SMOC2: variants seen among roughly 807,000 people sequenced by gnomAD.
The protein encoded by SMOC2 is SPARC related modular calcium binding 2.
SMOC2 carries 39 observed loss-of-function variants against 61.4 expected under a neutral mutation model. The observed-to-expected ratio is 0.64, with a 90% CI of 0.49 to 0.83. SMOC2 has a LOEUF of 0.83. SMOC2 is among the 40% of genes least tolerant of loss of function. The pLI, the probability that SMOC2 is intolerant of heterozygous loss-of-function variation, is 0.00. For synonymous variants in SMOC2, 247 were observed against 239.9 expected, an observed-to-expected ratio of 1.03 and a Z score of -0.27; for missense variants, 556 against 592.9, an observed-to-expected ratio of 0.94 and a Z score of 0.65.
At chr6:168,584,880 G>A (rs1281359058) in intron 7 of SMOC2, among the ~76,000 whole-genome samples, 2 of 152,150 alleles carry the variant, frequency 1.3e-5, no homozygotes, top group Admixed American at 6.5e-5. Context: ...CATCCATCCC[G>A]GGACAGCCCC....
intron 11 of SMOC2, among the ~76,000 whole-genome samples, chr6:168,658,948 GTGGTGTGTGTGTATA>G (rs1220701476): frequency 1.2e-3 from 174 of 151,274 alleles, no homozygotes; most frequent in Middle Eastern, 6.8e-3. Context: ...TGTGGTGTGT[GTGGTGTGTGTGTATA>G]TGGTGTGTGT....
chr6:168,653,207 G>A lies in SMOC2; in HGVS notation c.1264G>A (p.Ala422Thr), dbSNP rs1203700048. 8 of 1,613,498 alleles carry A rather than the reference G, an allele frequency of 5.0e-6. No individual in the cohort carries two copies. Among genetic ancestry groups the A allele is most frequent in the Non-Finnish European group, 6.8e-6 (8 of 1,179,640 alleles). ...GGGCGTGGCGAAAGAGGACGGCAAA[G>A]CGGACACCAAGAAACGCCACAGTAA... is the stretch of plus-strand genomic sequence containing the variant. ...CLGVAKEDGK[A>T]DTKKRHTPRG... Residue 422 changes from alanine (A) to threonine (T), a missense_variant, in exon 11 of 13, where the codon GCG (alanine) becomes ACG (threonine). Coordinates refer to ENST00000356284, the MANE Select transcript of SMOC2 (RefSeq NM_001166412.2).
At chr6:168,472,372 A>G (rs945220053) in intron 1 of SMOC2, among the ~76,000 whole-genome samples, 1 of 152,090 alleles carries the variant, frequency 6.6e-6, no homozygotes, top group Admixed American at 6.5e-5. Flanking sequence ...GTAAGAGCTT[A>G]TTTCTGGCAC....
intron 9 of SMOC2, among the ~76,000 whole-genome samples, chr6:168,623,255 G>A (rs1463399197): frequency 2.0e-5 from 3 of 151,968 alleles, no homozygotes; most frequent in African/African-American, 4.8e-5. Context: ...GGAGGGCTGC[G>A]GGGATTCCAG....
chr6:168,456,636 C>G (rs559456517), intron 1 of SMOC2, among the ~76,000 whole-genome samples: 1 of 152,326 alleles, frequency 6.6e-6, no homozygotes. Flanking sequence ...CAAGAATGTT[C>G]TGGCTAGTAC....
At chr6:168,462,877 T>G (rs759790523) in intron 1 of SMOC2, among the ~76,000 whole-genome samples, 2 of 152,094 alleles carry the variant, frequency 1.3e-5, no homozygotes, top group African/African-American at 2.4e-5. Context: ...AGCGGAGCCT[T>G]GGGAAGGGTG....
rs535975045 is a variant in SMOC2, at chr6:168,506,389, A to G, written c.85-3526A>G. On this transcript the variant is annotated intron_variant, in intron 1 of 12. Transcript: ENST00000356284. Reference sequence around the variant, plus strand: ...GTATTTCAGAGGCAACATTTCCTTAATGTCTTCTTATGTCACGTTATCTCA... The same window carrying G: ...GTATTTCAGAGGCAACATTTCCTTAGTGTCTTCTTATGTCACGTTATCTCA... Among the ~76,000 whole-genome samples the G allele has an allele frequency of 3.3e-5, 5 of 152,268 alleles. 1 individual carries two copies. The South Asian group carries it at 1.0e-3, about 32-fold the overall frequency.
Position 168,650,706 on chromosome 6 carries a change from G to GTT in SMOC2, c.935_936dup (p.Leu313PhefsTer2), listed in dbSNP as rs750270491. The GTT allele has an allele frequency of 1.2e-6, 2 of 1,613,842 alleles. No individual in the cohort carries two copies. Among genetic ancestry groups the GTT allele is most frequent in the Non-Finnish European group, 1.7e-6 (2 of 1,179,968 alleles). On this transcript the variant is annotated frameshift_variant, in exon 10 of 13. Coordinates refer to ENST00000356284, the MANE Select transcript of SMOC2 (RefSeq NM_001166412.2). LOFTEE classifies it high-confidence loss of function. ...GTTGTCCGGGTGCCAAAAAGCATGAGTTTCTGACCAGCGTTCTGGACGCGC... is the reference window on the plus strand; with the variant it reads ...GTTGTCCGGGTGCCAAAAAGCATGAGTTTTTCTGACCAGCGTTCTGGACGCGC...
At chr6:168,555,582 C>A (rs770060691) in intron 7 of SMOC2, among the ~76,000 whole-genome samples, 8 of 152,202 alleles carry the variant, frequency 5.3e-5, no homozygotes, top group Non-Finnish European at 8.8e-5. Context: ...TCCACGGCCG[C>A]ATGTTACAAG....
intron 1 of SMOC2, among the ~76,000 whole-genome samples, chr6:168,455,414 C>G (rs1049525091): frequency 2.0e-5 from 3 of 152,174 alleles, no homozygotes; most frequent in Non-Finnish European, 4.4e-5. Context: ...GACGCTGGCT[C>G]GGCAGCCACC....
At position 168,490,192 on chromosome 6, in the gene SMOC2, G is replaced by C. The variant is rs546903836; in HGVS notation, c.85-19723G>C. ...TAGAGTGAAATATATCAAATTGTCT[G>C]GGTCCCCTTGGATCACAGTTTTAGA... On this transcript the variant is annotated intron_variant, in intron 1 of 12. Transcript: ENST00000356284. Among the ~76,000 whole-genome samples, 85 of 151,474 alleles carry C rather than the reference G, an allele frequency of 5.6e-4. 2 individuals are homozygous for C. The South Asian group carries it at 0.018, about 31-fold the overall frequency.
chr6:168,489,328 G>A (rs1244291179), intron 1 of SMOC2, among the ~76,000 whole-genome samples: 2 of 149,278 alleles, frequency 1.3e-5, no homozygotes, highest in East Asian at 4.0e-4. Flanking sequence ...GGGTCCCCTT[G>A]GATCACACTG....
In SMOC2 at chr6:168,543,679, A is replaced by T. The variant is rs755443720; in HGVS notation, c.511+7A>T. The T allele has an allele frequency of 5.0e-6, 8 of 1,612,210 alleles. No individual in the cohort carries two copies. The East Asian group carries it at 1.8e-4, about 36-fold the overall frequency. On this transcript the variant is annotated splice_region_variant and intron_variant, in intron 5 of 12. Transcript: ENST00000356284. ...GAAGGCACAGGAAAAACAGGTAACT[A>T]TCTTAGAATAAATGTCTATGACGAT... is the stretch of plus-strand genomic sequence containing the variant.
Position 168,599,388 on chromosome 6 carries a change from TCACA to T in SMOC2, c.824+392_824+395del, listed in dbSNP as rs764851964. ...ACAATCATACCACACACACCCACAC[TCACA>T]CACACACTGACACACACACATTCAT... On this transcript the variant is annotated intron_variant, in intron 8 of 12. Transcript: ENST00000356284. Among the ~76,000 whole-genome samples, 47 of 76,930 alleles carry T rather than the reference TCACA, an allele frequency of 6.1e-4. 1 individual carries two copies. Among genetic ancestry groups the T allele is most frequent in the African/African-American group, 2.0e-3 (39 of 19,868 alleles). 50.5% of individuals were successfully genotyped at this position (76,930 alleles called of 152,430 possible).
chr6:168,442,308 G>A (rs567273635), intron 1 of SMOC2, among the ~76,000 whole-genome samples: 2 of 152,206 alleles, frequency 1.3e-5, no homozygotes, highest in Non-Finnish European at 2.9e-5. Context: ...ACTTCTATGC[G>A]ACAGCCTTGG....
chr6:168,588,583 A>G (rs1044338465), intron 7 of SMOC2, among the ~76,000 whole-genome samples: 5 of 152,240 alleles, frequency 3.3e-5, no homozygotes, highest in African/African-American at 1.2e-4. Flanking sequence ...ACATTTGACC[A>G]GTGCAGATTC....
intron 1 of SMOC2, among the ~76,000 whole-genome samples, chr6:168,477,438 T>A (rs993371847): frequency 6.6e-6 from 1 of 152,252 alleles, no homozygotes; most frequent in Non-Finnish European, 1.5e-5. Flanking sequence ...AATGGACTCC[T>A]AATTATTTAT....
intron 2 of SMOC2, among the ~76,000 whole-genome samples, chr6:168,511,351 C>T (rs892335547): frequency 2.6e-5 from 4 of 152,114 alleles, no homozygotes; most frequent in Non-Finnish European, 5.9e-5. Context: ...GGGAAGCAAA[C>T]GCATCCTTCT....
In SMOC2 at chr6:168,600,208, C is replaced by T. The variant is rs76307059; in HGVS notation, c.824+1204C>T. Among the ~76,000 whole-genome samples the T allele has an allele frequency of 3.3e-5, 5 of 151,890 alleles. 1 individual carries two copies. Among genetic ancestry groups the T allele is most frequent in the African/African-American group, 1.2e-4 (5 of 41,350 alleles). On this transcript the variant is annotated intron_variant, in intron 8 of 12. Coordinates refer to ENST00000356284, the MANE Select transcript of SMOC2 (RefSeq NM_001166412.2). ...ATCACCTGAGGTCAAGAGTTTGAGA[C>T]CAGCCTGGACAATATAGTGAAACCC...
Sources: gnomAD v4.1 joint callset for allele counts (sites outside exome capture counted in the v4.1 genomes callset) on GRCh38, gnomAD v4.1.1 for gene constraint, MANE v1.5 for transcripts, NCBI Gene and HGNC (gene_info 2026-07-23, HGNC 2026-07-21) for gene names.